ASIC2: variants seen among roughly 807,000 people sequenced by gnomAD.
ASIC2 encodes acid sensing ion channel subunit 2.
In ASIC2, 25 loss-of-function variants were observed where a neutral mutation model predicts 57.3. The ratio of observed to expected loss-of-function variants is 0.44; its 90% confidence interval spans 0.32 to 0.61. The LOEUF (loss-of-function observed/expected upper bound fraction) is 0.61. Ranked by LOEUF, ASIC2 falls within the 20% of genes least tolerant of loss-of-function variation. The probability of loss-of-function intolerance (pLI) is 0.06; values close to 1 mark genes in which losing one functional copy is unlikely to be tolerated. For missense variants in ASIC2, 641 were observed against 738.1 expected (o/e 0.87, Z 1.52); for synonymous variants, 319 against 307.5 (o/e 1.04, Z -0.39).
intron 1 of ASIC2, among the ~76,000 whole-genome samples, chr17:34,031,452 C>T (rs763201758): frequency 9.2e-5 from 14 of 152,140 alleles, no homozygotes; most frequent in East Asian, 3.9e-4. Context: ...AAAATCAGAG[C>T]GCCTCTCCTC....
chr17:34,088,864 T>G (rs556937243), intron 1 of ASIC2, among the ~76,000 whole-genome samples: 1 of 152,308 alleles, frequency 6.6e-6, no homozygotes, highest in East Asian at 1.9e-4. Flanking sequence ...AATCTCCTGG[T>G]GTGCTGTTTT....
chr17:33,663,094 ATCAG>A (rs1415739026), intron 1 of ASIC2, among the ~76,000 whole-genome samples: 1 of 152,190 alleles, frequency 6.6e-6, no homozygotes, highest in Non-Finnish European at 1.5e-5. Context: ...CACGAGAGAC[ATCAG>A]TCACTCAGGT....
chr17:33,090,809 C>T (rs927310340), intron 2 of ASIC2, among the ~76,000 whole-genome samples: 1 of 152,036 alleles, frequency 6.6e-6, no homozygotes, highest in African/African-American at 2.4e-5. Flanking sequence ...CCAGGGGCTA[C>T]GTGGAAAGAA....
intron 1 of ASIC2, among the ~76,000 whole-genome samples, chr17:33,662,486 T>TC (rs748003691): frequency 2.7e-5 from 4 of 150,274 alleles, no homozygotes; most frequent in Admixed American, 6.6e-5. Context: ...CCAGGTGTGG[T>TC]GGGGGGGGCA....
chr17:33,395,180 C>T (rs1163744111), intron 1 of ASIC2, among the ~76,000 whole-genome samples: 4 of 151,920 alleles, frequency 2.6e-5, no homozygotes, highest in African/African-American at 9.7e-5. Flanking sequence ...ACCCATCCAC[C>T]CTTCCATCAA....
chr17:33,629,907 C>T (rs1906106448), intron 1 of ASIC2, among the ~76,000 whole-genome samples: 1 of 152,200 alleles, frequency 6.6e-6, no homozygotes, highest in African/African-American at 2.4e-5. Context: ...TTCTCAGCTG[C>T]AGTACCATGA....
At chr17:34,057,715 G>A (rs981708466) in intron 1 of ASIC2, among the ~76,000 whole-genome samples, 2 of 152,130 alleles carry the variant, frequency 1.3e-5, no homozygotes. Context: ...TAGGATTAGT[G>A]CTAGTGCTTG....
intron 1 of ASIC2, among the ~76,000 whole-genome samples, chr17:33,673,427 G>A (rs1256276361): frequency 3.3e-5 from 5 of 152,202 alleles, no homozygotes; most frequent in Admixed American, 6.5e-5. Context: ...GCCTTCCAGA[G>A]CAGTGATGTC....
chr17:33,634,596 AGCTCC>A (rs1906288859), intron 1 of ASIC2: 1 of 149,718 alleles, frequency 6.7e-6, no homozygotes, highest in Non-Finnish European at 1.5e-5. Flanking sequence ...GCTCACTGCA[AGCTCC>A]GCCTCCCGGG....
chr17:33,590,655 T>A (rs1240995857), intron 1 of ASIC2, among the ~76,000 whole-genome samples: 1 of 148,296 alleles, frequency 6.7e-6, no homozygotes, highest in African/African-American at 2.5e-5. Context: ...ACACAACACC[T>A]CAATCTCTAC....
At chr17:33,403,601 C>A in intron 1 of ASIC2, among the ~76,000 whole-genome samples, 1 of 152,188 alleles carries the variant, frequency 6.6e-6, no homozygotes, top group East Asian at 1.9e-4. Context: ...TGGCTACAAG[C>A]CCCTGAGTAA....
intron 1 of ASIC2, among the ~76,000 whole-genome samples, chr17:33,444,920 T>C (rs1911958970): frequency 1.3e-5 from 2 of 152,222 alleles, no homozygotes. Context: ...AAAGTTTTAT[T>C]GATACTCAGC....
At chr17:33,616,676 C>T (rs116662560) in intron 1 of ASIC2, among the ~76,000 whole-genome samples, 2,071 of 152,284 alleles carry the variant, frequency 0.014, 55 homozygotes, top group African/African-American at 0.047. Context: ...AAGAGATCTC[C>T]GAAACTCAGG....
At chr17:33,333,859 GA>G (rs1336769321) in intron 1 of ASIC2, among the ~76,000 whole-genome samples, 2 of 152,164 alleles carry the variant, frequency 1.3e-5, no homozygotes, top group Non-Finnish European at 2.9e-5. Context: ...TTTGCACACT[GA>G]TACATCATTT....
intron 1 of ASIC2, among the ~76,000 whole-genome samples, chr17:33,971,140 T>A (rs1373863263): frequency 6.6e-6 from 1 of 152,082 alleles, no homozygotes; most frequent in Non-Finnish European, 1.5e-5. Flanking sequence ...CCAGCAGAAA[T>A]GATTCACAGC....
At chr17:33,094,634 G>A (rs1334147654) in intron 2 of ASIC2, among the ~76,000 whole-genome samples, 1 of 152,170 alleles carries the variant, frequency 6.6e-6, no homozygotes, top group East Asian at 1.9e-4. Flanking sequence ...AGGGAAGGAC[G>A]GACATTGGGT....
chr17:33,553,656 C>A (rs77371422), intron 1 of ASIC2, among the ~76,000 whole-genome samples: 4,859 of 152,150 alleles, frequency 0.032, 126 homozygotes, highest in Non-Finnish European at 0.051. Flanking sequence ...TCTTTAATAC[C>A]AGATAACCTT....
intron 3 of ASIC2, among the ~76,000 whole-genome samples, chr17:33,084,357 G>A (rs2092125949): frequency 6.6e-6 from 1 of 152,150 alleles, no homozygotes; most frequent in Admixed American, 6.5e-5. Context: ...TATTTCTTTG[G>A]GCTCATGGTA....
At chr17:33,348,735 T>C (rs929445441) in intron 1 of ASIC2, among the ~76,000 whole-genome samples, 12 of 151,780 alleles carry the variant, frequency 7.9e-5, no homozygotes, top group Non-Finnish European at 1.8e-4. Flanking sequence ...GGCCTGTGAG[T>C]CCCTTGGGAG....
Sources: gnomAD v4.1 joint callset for allele counts (sites outside exome capture counted in the v4.1 genomes callset) on GRCh38, gnomAD v4.1.1 for gene constraint, MANE v1.5 for transcripts, NCBI Gene and HGNC (gene_info 2026-07-23, HGNC 2026-07-21) for gene names.